The following KSR2 variants were observed in gnomAD, a reference collection of about 807,000 sequenced individuals.
The protein encoded by KSR2 is kinase suppressor of ras 2.
A neutral mutation model predicts 107.8 loss-of-function variants in KSR2; 25 were observed. The ratio of observed to expected loss-of-function variants is 0.23; its 90% CI spans 0.17 to 0.32. The LOEUF is 0.32. Ranked by LOEUF, KSR2 falls within the 10% of genes least tolerant of loss-of-function variation. The pLI is 1.00. For synonymous variants in KSR2, 480 were observed against 507.0 expected, an observed-to-expected ratio of 0.95 and a Z score of 0.71; for missense variants, 887 against 1,268.9, an observed-to-expected ratio of 0.70 and a Z score of 4.57.
rs141882447 is a variant in KSR2 at position 117,960,482 on chromosome 12, G to A, written c.180+7594C>T. 1.6e-3 allele frequency among the ~76,000 whole-genome samples: 242 copies of A among 152,258 alleles called. 1 individual carries two copies. Among genetic ancestry groups the A allele is most frequent in the African/African-American group, 5.5e-3 (228 of 41,566 alleles). On this transcript the variant is annotated intron_variant, in intron 1 of 19. Coordinates refer to ENST00000339824, the MANE Select transcript of KSR2 (RefSeq NM_173598.6). ...GTTGCTGCCACCATGTAAGAAACCC[G>A]GGCTATCCTGCCAGAAAAGCCATGG... is the stretch of plus-strand genomic sequence containing the variant.
At chr12:117,929,235 C>T (rs958510427) in intron 1 of KSR2, among the ~76,000 whole-genome samples, 6 of 152,210 alleles carry the variant, frequency 3.9e-5, no homozygotes, top group South Asian at 2.1e-4. Context: ...TATGGTTTGG[C>T]TGTGTCCCCA....
At chr12:117,772,167 T>TC (rs1889490297) in intron 3 of KSR2, among the ~76,000 whole-genome samples, 15 of 42,672 alleles carry the variant, frequency 3.5e-4, no homozygotes, top group African/African-American at 8.8e-4. Flanking sequence ...AAGACGCACA[T>TC]ACACATACAC....
chr12:117,747,543 A>G (rs1303769864), intron 4 of KSR2, among the ~76,000 whole-genome samples: 1 of 152,158 alleles, frequency 6.6e-6, no homozygotes, highest in Non-Finnish European at 1.5e-5. Context: ...TGGCACATGT[A>G]TACCTGTGTG....
At chr12:117,782,203 G>A (rs981398316) in intron 3 of KSR2, among the ~76,000 whole-genome samples, 2 of 152,162 alleles carry the variant, frequency 1.3e-5, no homozygotes, top group African/African-American at 4.8e-5. Flanking sequence ...CTCCCCTCCT[G>A]TATCTAGAGT....
intron 14 of KSR2, among the ~76,000 whole-genome samples, chr12:117,496,192 A>G (rs1476109025): frequency 6.6e-6 from 1 of 152,058 alleles, no homozygotes; most frequent in African/African-American, 2.4e-5. Flanking sequence ...CATCTGGGTG[A>G]CCTTCTGCCC....
intron 9 of KSR2, among the ~76,000 whole-genome samples, chr12:117,542,176 G>A (rs1565892335): frequency 6.6e-6 from 1 of 152,012 alleles, no homozygotes; most frequent in Non-Finnish European, 1.5e-5. Flanking sequence ...ACAGGTGTGG[G>A]TCAATGCGGT....
chr12:117,879,333 T>C (rs1466089864), intron 1 of KSR2, among the ~76,000 whole-genome samples: 5 of 152,232 alleles, frequency 3.3e-5, no homozygotes, highest in South Asian at 2.1e-4. Flanking sequence ...TGTAACTGAA[T>C]AACTAATTTA....
At chr12:117,850,669 G>A (rs972107291) in intron 3 of KSR2, among the ~76,000 whole-genome samples, 2 of 152,030 alleles carry the variant, frequency 1.3e-5, no homozygotes, top group African/African-American at 4.8e-5. Flanking sequence ...AGTTTGCCAG[G>A]CATGGTGGCA....
At chr12:117,525,289 G>A (rs1283959751) in intron 13 of KSR2, 70 bp from the exon 14 acceptor site, 17 of 1,485,100 alleles carry the variant, frequency 1.1e-5, no homozygotes, top group Non-Finnish European at 1.5e-5. Context: ...TGGTCCTGCT[G>A]GGTCCCGTGC....
At chr12:117,930,063 GA>G (rs1054691762) in intron 1 of KSR2, among the ~76,000 whole-genome samples, 4 of 145,140 alleles carry the variant, frequency 2.8e-5, no homozygotes, top group Non-Finnish European at 6.0e-5. Flanking sequence ...TTTTTTTTTT[GA>G]GACAGAGTCT....
intron 3 of KSR2, among the ~76,000 whole-genome samples, chr12:117,848,853 A>ATGGTGATGG: frequency 1.0e-5 from 1 of 96,722 alleles, no homozygotes; most frequent in Non-Finnish European, 2.8e-5. Context: ...GATGGTGATG[A>ATGGTGATGG]TGGTGATGAT....
At chr12:117,709,124 T>C (rs1886650137) in intron 4 of KSR2, among the ~76,000 whole-genome samples, 1 of 152,184 alleles carries the variant, frequency 6.6e-6, no homozygotes, top group South Asian at 2.1e-4. Context: ...TTTTACCATG[T>C]AAAGTAACAC....
intron 1 of KSR2, among the ~76,000 whole-genome samples, chr12:117,886,335 T>C (rs1482281899): frequency 6.6e-6 from 1 of 151,824 alleles, no homozygotes; most frequent in Non-Finnish European, 1.5e-5. Flanking sequence ...ATACATAATT[T>C]ACATAGACAT....
intron 5 of KSR2, among the ~76,000 whole-genome samples, chr12:117,637,675 G>GTTTTTTTTTTTTTTTTTTTTTT (rs56169273): frequency 1.1e-5 from 1 of 92,108 alleles, no homozygotes; most frequent in Non-Finnish European, 2.0e-5. Flanking sequence ...TCAGTTTTGG[G>GTTTTTTTTTTTTTTTTTTTTTT]TTTTTTTTTT....
chr12:117,763,613 C>T (rs1889126275), intron 3 of KSR2, among the ~76,000 whole-genome samples: 1 of 152,178 alleles, frequency 6.6e-6, no homozygotes, highest in Non-Finnish European at 1.5e-5. Flanking sequence ...TGGGGTGACA[C>T]TCAAGGAGAG....
chr12:117,738,655 A>C (rs1888039606), intron 4 of KSR2, among the ~76,000 whole-genome samples: 2 of 152,008 alleles, frequency 1.3e-5, no homozygotes, highest in South Asian at 4.2e-4. Context: ...CGGGCGGATT[A>C]CTTGAGGTCA....
At chr12:117,925,842 C>T (rs181760635) in intron 1 of KSR2, among the ~76,000 whole-genome samples, 16 of 152,208 alleles carry the variant, frequency 1.1e-4, no homozygotes, top group African/African-American at 3.6e-4. Flanking sequence ...TTAGCTAGTA[C>T]GGGACAGGGC....
intron 5 of KSR2, among the ~76,000 whole-genome samples, chr12:117,584,241 T>C (rs1565912489): frequency 1.3e-5 from 2 of 152,210 alleles, no homozygotes; most frequent in Non-Finnish European, 2.9e-5. Context: ...ACTACTTGTT[T>C]CGATTTCTGA....
At position 117,968,299 on chromosome 12, in the gene KSR2, G is replaced by A. The variant is rs1197490894; in HGVS notation, c.-44C>T. On this transcript the variant is annotated 5_prime_UTR_variant, in exon 1 of 20. Transcript: ENST00000339824. Reference sequence around the variant, plus strand: ...CTTCCCCTCCTCCTCCTCCCAGAGAGAAAAAAGAGGGGGGGGAGTAGAGGT... The same window carrying A: ...CTTCCCCTCCTCCTCCTCCCAGAGAAAAAAAAGAGGGGGGGGAGTAGAGGT... 1.1e-4 allele frequency: 36 copies of A among 333,884 alleles called. No individual in the cohort carries two copies. Among genetic ancestry groups the A allele is most frequent in the Non-Finnish European group, 1.2e-4 (28 of 234,098 alleles). 20.7% of individuals were successfully genotyped at this position (333,884 alleles called of 1,614,324 possible).
Sources: gnomAD v4.1 joint callset for allele counts (sites outside exome capture counted in the v4.1 genomes callset) on GRCh38, gnomAD v4.1.1 for gene constraint, MANE v1.5 for transcripts, NCBI Gene and HGNC (gene_info 2026-07-23, HGNC 2026-07-21) for gene names.